DSCAML1: variants seen among roughly 807,000 people sequenced by gnomAD.
DSCAML1 encodes the protein DS cell adhesion molecule like 1.
A neutral mutation model predicts 200.5 loss-of-function variants in DSCAML1; 38 were observed. The observed-to-expected ratio is 0.19, with a 90% CI of 0.15 to 0.25. The LOEUF is 0.25. Ranked by LOEUF, DSCAML1 falls within the 10% of genes least tolerant of loss-of-function variation. The pLI, the probability that DSCAML1 is intolerant of heterozygous loss-of-function variation, is 1.00. For synonymous variants in DSCAML1, 1,215 were observed against 1,165.0 expected (o/e 1.04, Z -0.87); for missense variants, 2,223 against 2,858.8 (o/e 0.78, Z 5.07).
rs1555032678 is a variant in DSCAML1, at chr11:117,780,231, G to GAAA, written c.364+261_364+262insTTT. Among the ~76,000 whole-genome samples, 603 of 60,576 alleles carry GAAA rather than the reference G, an allele frequency of 1.0e-2. 12 individuals carry two copies. Among genetic ancestry groups the GAAA allele is most frequent in the African/African-American group, 0.034 (516 of 15,190 alleles). 39.7% of individuals were successfully genotyped at this position (60,576 alleles called of 152,430 possible). The stretch of plus-strand genomic sequence containing the variant: ...AAAGAGAGAGAGAGAAAGAAAGAAA[G>GAAA]GAAAGAAAGAAAGAAAGAAAGAAAG... On this transcript the variant is annotated intron_variant, in intron 2 of 32. Transcript: ENST00000651296. This position sits in a 1 kb window ranked among gnomAD's most constrained non-coding sequence, Gnocchi z 4.8.
At position 117,436,691 on chromosome 11, in the gene DSCAML1, C is replaced by G. The variant is rs150244800; in HGVS notation, c.4720+431G>C. ...CAAGAGAGCAAGAAACAAATCAGTA[C>G]AGGGTTAAGCCACCAGGTTTTGGTA... On this transcript the variant is annotated intron_variant, in intron 26 of 32. Transcript: ENST00000651296. 1.1e-4 allele frequency among the ~76,000 whole-genome samples: 16 copies of G among 152,232 alleles called. 1 individual carries two copies. In the East Asian group the frequency reaches 2.9e-3, roughly 28 times the overall value.
At chr11:117,695,226 A>T (rs1224639064) in intron 3 of DSCAML1, among the ~76,000 whole-genome samples, 1 of 152,204 alleles carries the variant, frequency 6.6e-6, no homozygotes, top group Non-Finnish European at 1.5e-5. Flanking sequence ...GGGATGCGAG[A>T]AAGGCAAAGA....
At chr11:117,740,123 G>A (rs2054395803) in intron 3 of DSCAML1, among the ~76,000 whole-genome samples, 1 of 152,204 alleles carries the variant, frequency 6.6e-6, no homozygotes, top group Non-Finnish European at 1.5e-5. Flanking sequence ...TTACAGGGAA[G>A]AGCCAGGCAG....
At chr11:117,635,084 T>C (rs2052251090) in intron 3 of DSCAML1, among the ~76,000 whole-genome samples, 1 of 152,194 alleles carries the variant, frequency 6.6e-6, no homozygotes, top group Admixed American at 6.5e-5. Context: ...CGGGGGCTGA[T>C]TAAAGATGGA....
At chr11:117,658,812 A>G (rs2052783910) in intron 3 of DSCAML1, among the ~76,000 whole-genome samples, 2 of 152,148 alleles carry the variant, frequency 1.3e-5, no homozygotes, top group African/African-American at 4.8e-5. Context: ...AACAAACCAC[A>G]CCTTTCCCCA....
chr11:117,471,831 T>C, intron 15 of DSCAML1, 38 bp downstream of exon 15: 1 of 1,427,738 alleles, frequency 7.0e-7, no homozygotes, highest in Non-Finnish European at 9.3e-7. Flanking sequence ...TCCTGATCCC[T>C]GAGGCCATGG....
Position 117,443,950 on chromosome 11 carries a change from G to A in DSCAML1, c.3798C>T (p.Ala1266=), listed in dbSNP as rs996698979. ...TGCCCCGGCCGGCAGAGGTGACGGC[G>A]GCCACCCACAGCAGATACTGCTGAC... is the stretch of plus-strand genomic sequence containing the variant. ...NRGQQYLLWV[A]AVTSAGRGNS... The change falls in exon 21 of 33, where the codon GCC becomes GCT. Residue 1266 remains alanine, a synonymous_variant. Transcript: ENST00000651296. 2 of 1,613,318 alleles carry A rather than the reference G, an allele frequency of 1.2e-6. No homozygotes were observed. The highest frequency in any genetic ancestry group is 1.6e-4 in the Middle Eastern group (1 of 6,068).
At position 117,427,908 on chromosome 11, in the gene DSCAML1, G is replaced by A. The variant is rs1483445501; in HGVS notation, c.*420C>T. The A allele has an allele frequency of 6.4e-6, 1 of 156,860 alleles. No individual in the cohort carries two copies. Among genetic ancestry groups the A allele is most frequent in the African/African-American group, 2.4e-5 (1 of 41,532 alleles). 9.7% of individuals were successfully genotyped at this position (156,860 alleles called of 1,614,324 possible). A position where few individuals can be genotyped will look rare whatever the true frequency, so the allele number is the denominator to read the frequency against. On this transcript the variant is annotated 3_prime_UTR_variant, in exon 33 of 33. Transcript: ENST00000651296. ...AATCGCATGCAGTGTCTCTGAGTTG[G>A]GATTTTGGTCTTTGTCAAAACCACC...
At chr11:117,458,659 A>C in intron 19 of DSCAML1, 95 bp downstream of exon 19, 1 of 1,479,382 alleles carries the variant, frequency 6.8e-7, no homozygotes, top group South Asian at 1.2e-5. Context: ...AGGAGAAAGG[A>C]CAGTACCCTG....
chr11:117,660,491 G>C (rs1478509374), intron 3 of DSCAML1, among the ~76,000 whole-genome samples: 1 of 152,186 alleles, frequency 6.6e-6, no homozygotes, highest in Non-Finnish European at 1.5e-5. Context: ...GGACTCATTT[G>C]GTAGGCAGCA....
intron 3 of DSCAML1, among the ~76,000 whole-genome samples, chr11:117,742,235 T>C (rs557178129): frequency 1.3e-5 from 2 of 152,304 alleles, no homozygotes; most frequent in South Asian, 2.1e-4. Flanking sequence ...AGGCCCATAG[T>C]GGTGAAATGA....
chr11:117,518,937 T>C lies in DSCAML1; in HGVS notation c.1214-175A>G, dbSNP rs2049834329. On this transcript the variant is annotated intron_variant, in intron 6 of 32. Transcript: ENST00000651296. This position sits in a 1 kb window ranked among gnomAD's most constrained non-coding sequence, Gnocchi z 6.3. ...CCCCAAGTGGTGCCAGTTACTGCTG[T>C]ACATGGATTCAGGCTGTAGGGTTTG... is the stretch of plus-strand genomic sequence containing the variant. 6.6e-6 allele frequency among the ~76,000 whole-genome samples: 1 copy of C among 152,254 alleles called. No individual in the cohort carries two copies. The highest frequency in any genetic ancestry group is 2.4e-5 in the African/African-American group (1 of 41,464).
chr11:117,514,346 C>T (rs2049711007), intron 8 of DSCAML1, among the ~76,000 whole-genome samples: 1 of 152,196 alleles, frequency 6.6e-6, no homozygotes, highest in African/African-American at 2.4e-5. Flanking sequence ...TGACAGGGCC[C>T]TCAGAGTTCT....
intron 3 of DSCAML1, among the ~76,000 whole-genome samples, chr11:117,544,690 A>G (rs2050338287): frequency 6.6e-6 from 1 of 152,192 alleles, no homozygotes; most frequent in Admixed American, 6.5e-5. Context: ...AGTACCCCAG[A>G]GGGAGATTTG....
chr11:117,710,508 A>C (rs898865010), intron 3 of DSCAML1, among the ~76,000 whole-genome samples: 4 of 152,148 alleles, frequency 2.6e-5, no homozygotes, highest in African/African-American at 9.7e-5. Context: ...ACATGTATAC[A>C]GCTTTATCCT....
intron 3 of DSCAML1, among the ~76,000 whole-genome samples, chr11:117,595,193 T>C (rs1359748288): frequency 6.6e-6 from 1 of 151,686 alleles, no homozygotes; most frequent in Non-Finnish European, 1.5e-5. Flanking sequence ...AGGGGGAGGG[T>C]TGGAAAGTCA....
At chr11:117,785,628 G>A (rs1025171933) in intron 1 of DSCAML1, among the ~76,000 whole-genome samples, 3 of 152,188 alleles carry the variant, frequency 2.0e-5, no homozygotes, top group African/African-American at 4.8e-5. Flanking sequence ...AGCAGTCCCC[G>A]ACAGTGGTGC....
In DSCAML1 at chr11:117,601,330, G is replaced by A. The variant is rs118191041; in HGVS notation, c.512-68808C>T. On this transcript the variant is annotated intron_variant, in intron 3 of 32. Transcript: ENST00000651296. ...CCTTTGCGGGCCTATCACAAAACCA[G>A]GGTTTGAAGACCACCAGGGTGTGTT... Among the ~76,000 whole-genome samples, 98 of 152,294 alleles carry A rather than the reference G, an allele frequency of 6.4e-4. 1 individual carries two copies. The East Asian group carries it at 0.018, about 28-fold the overall frequency.
At chr11:117,762,868 GTAATAATAATAATAA>G (rs58166401) in intron 3 of DSCAML1, among the ~76,000 whole-genome samples, 3 of 146,654 alleles carry the variant, frequency 2.0e-5, no homozygotes, top group Admixed American at 6.8e-5. Context: ...GTCTCAAATA[GTAATAATAATAATAA>G]TAATAATAAT....
Sources: gnomAD v4.1 joint callset for allele counts (sites outside exome capture counted in the v4.1 genomes callset) on GRCh38, gnomAD v4.1.1 for gene constraint, Gnocchi (gnomAD v3.1) non-coding constraint, MANE v1.5 for transcripts, NCBI Gene and HGNC (gene_info 2026-07-23, HGNC 2026-07-21) for gene names.